The following MTA3 variants were observed in gnomAD, a reference collection of about 807,000 sequenced individuals.
MTA3 encodes the protein metastasis-associated protein MTA3.
Under a neutral mutation model 83.5 loss-of-function variants are expected in MTA3, and 34 were observed. The observed-to-expected ratio is 0.41, with a 90% CI of 0.31 to 0.54. The LOEUF is 0.54. Ranked by LOEUF, MTA3 falls within the 20% of genes least tolerant of loss-of-function variation. The pLI is 0.33. For missense variants in MTA3, 761 were observed against 726.4 expected (o/e 1.05, Z -0.55); for synonymous variants, 303 against 252.7 (o/e 1.20, Z -1.89).
intron 9 of MTA3, among the ~76,000 whole-genome samples, chr2:42,693,842 C>G (rs1693131211): frequency 1.3e-5 from 2 of 152,128 alleles, no homozygotes; most frequent in Admixed American, 6.6e-5. Context: ...CCACCTATAG[C>G]TGGGAATGTG....
In MTA3 at chr2:42,599,731, A is replaced by G. The variant is rs373072116; in HGVS notation, c.191-9727A>G. Among the ~76,000 whole-genome samples, 5 of 152,248 alleles carry G rather than the reference A, an allele frequency of 3.3e-5. No homozygotes were observed. The East Asian group carries it at 9.6e-4, about 29-fold the overall frequency. ...TAAAGATAACAAAATAAAATATTTT[A>G]TTTCCTGTTTTTGTTTAATTCTTTT... On this transcript the variant is annotated intron_variant, in intron 3 of 16. Transcript: ENST00000405094.
intron 2 of MTA3, among the ~76,000 whole-genome samples, chr2:42,540,749 C>A (rs928347688): frequency 3.3e-5 from 5 of 151,272 alleles, no homozygotes; most frequent in African/African-American, 1.2e-4. Context: ...GTAGAAGAAT[C>A]ACTTGATCCC....
intron 2 of MTA3, among the ~76,000 whole-genome samples, chr2:42,517,025 C>T (rs1675174261): frequency 6.6e-6 from 1 of 152,004 alleles, no homozygotes; most frequent in Non-Finnish European, 1.5e-5. Flanking sequence ...TTTGGGAGGC[C>T]GAGGCGGGCA....
intron 3 of MTA3, among the ~76,000 whole-genome samples, chr2:42,592,854 T>C (rs2141548): frequency 0.75 from 114,366 of 152,080 alleles, 43,372 homozygotes; most frequent in South Asian, 0.88. Context: ...AAGAATACAC[T>C]CTAAGACAAC....
intron 6 of MTA3, among the ~76,000 whole-genome samples, chr2:42,649,876 G>A (rs1688549195): frequency 1.3e-5 from 2 of 152,220 alleles, no homozygotes; most frequent in Admixed American, 1.3e-4. Flanking sequence ...GAAGAAGCAT[G>A]AGTCCAGGGT....
intron 16 of MTA3, among the ~76,000 whole-genome samples, chr2:42,733,153 C>G (rs1668356427): frequency 6.6e-6 from 1 of 152,202 alleles, no homozygotes; most frequent in Admixed American, 6.5e-5. Context: ...AGTCTGTTTT[C>G]ACACTGCTGA....
At chr2:42,561,903 G>T (rs1446298873) in intron 2 of MTA3, among the ~76,000 whole-genome samples, 1 of 152,084 alleles carries the variant, frequency 6.6e-6, no homozygotes, top group East Asian at 1.9e-4. Flanking sequence ...GTTTCCTAAG[G>T]CTCCTGTAAC....
At chr2:42,552,935 GCA>G in intron 2 of MTA3, among the ~76,000 whole-genome samples, 1 of 149,766 alleles carries the variant, frequency 6.7e-6, no homozygotes, top group East Asian at 2.0e-4. Flanking sequence ...GGGCGACACC[GCA>G]AGACTCCATC....
intron 2 of MTA3, among the ~76,000 whole-genome samples, chr2:42,495,626 T>G (rs1674095170): frequency 6.6e-6 from 1 of 151,628 alleles, no homozygotes; most frequent in Admixed American, 6.6e-5. Flanking sequence ...AATGTGGAGG[T>G]TTAAAGTCTG....
intron 4 of MTA3, among the ~76,000 whole-genome samples, chr2:42,627,596 C>A (rs1271445062): frequency 6.6e-6 from 1 of 151,996 alleles, no homozygotes; most frequent in East Asian, 1.9e-4. Flanking sequence ...CGGAGTCTCG[C>A]TCTGTCTCTC....
intron 16 of MTA3, among the ~76,000 whole-genome samples, chr2:42,725,867 C>T (rs1667772748): frequency 6.6e-6 from 1 of 152,194 alleles, no homozygotes. Context: ...CACCCACCCC[C>T]AGCATCATGG....
chr2:42,621,771 C>T (rs948876898), intron 4 of MTA3, among the ~76,000 whole-genome samples: 1 of 151,218 alleles, frequency 6.6e-6, no homozygotes, highest in Non-Finnish European at 1.5e-5. Flanking sequence ...CTCTTCACTT[C>T]TCAGACGGGG....
intron 2 of MTA3, among the ~76,000 whole-genome samples, chr2:42,531,502 G>C (rs1675967165): frequency 7.6e-6 from 1 of 130,776 alleles, no homozygotes; most frequent in Admixed American, 9.2e-5. Context: ...GCCCAGGCTA[G>C]AGTGCAGTGG....
chr2:42,663,471 C>A (rs117575476), intron 8 of MTA3, among the ~76,000 whole-genome samples: 2 of 152,276 alleles, frequency 1.3e-5, no homozygotes, highest in East Asian at 3.9e-4. Flanking sequence ...CTTTAAACAT[C>A]ATTTTATGGC....
chr2:42,670,492 G>A (rs924066155), intron 8 of MTA3, among the ~76,000 whole-genome samples: 13 of 152,140 alleles, frequency 8.5e-5, no homozygotes, highest in African/African-American at 3.1e-4. Flanking sequence ...GCTGAGCAGA[G>A]GTGATTGGCT....
chr2:42,657,587 AG>A (rs1324409330), intron 7 of MTA3, among the ~76,000 whole-genome samples: 4 of 152,164 alleles, frequency 2.6e-5, no homozygotes, highest in African/African-American at 7.2e-5. Flanking sequence ...AAGGACACCA[AG>A]GAGTTGGTTC....
intron 3 of MTA3, among the ~76,000 whole-genome samples, chr2:42,606,826 C>T (rs1457549906): frequency 6.7e-6 from 1 of 149,580 alleles, no homozygotes; most frequent in African/African-American, 2.5e-5. Flanking sequence ...GTCTGCAATC[C>T]CGGCACCTCG....
intron 14 of MTA3, among the ~76,000 whole-genome samples, chr2:42,718,248 T>C (rs981567684): frequency 2.6e-5 from 4 of 151,952 alleles, no homozygotes; most frequent in African/African-American, 7.3e-5. Flanking sequence ...TAAATTATTA[T>C]TGTTATTATT....
intron 9 of MTA3, among the ~76,000 whole-genome samples, chr2:42,689,010 ATTCTT>A: frequency 6.6e-6 from 1 of 152,134 alleles, no homozygotes; most frequent in East Asian, 1.9e-4. Flanking sequence ...GTTCCTCTCT[ATTCTT>A]ATTTTTTGAG....
Sources: allele counts gnomAD v4.1 joint callset (sites outside exome capture counted in the v4.1 genomes callset), GRCh38; gene constraint gnomAD v4.1.1; transcripts MANE v1.5; gene names NCBI Gene and HGNC (gene_info 2026-07-23, HGNC 2026-07-21).